Variants in EMCN observed in about 807,000 individuals in gnomAD.
The protein encoded by EMCN is MUC-14.
EMCN carries 37 observed loss-of-function variants against 38.4 expected under a neutral mutation model. That is an observed-to-expected ratio of 0.96 (90% CI 0.74 to 1.27). The LOEUF (loss-of-function observed/expected upper bound fraction) is 1.27, where lower values mean the gene tolerates loss of function less well. Ranked by LOEUF, EMCN falls within the 50% of genes most tolerant of loss-of-function variation. The pLI, the probability that EMCN is intolerant of heterozygous loss-of-function variation, is 0.00. For synonymous variants in EMCN, 95 were observed against 100.8 expected (o/e 0.94, Z 0.35); for missense variants, 318 against 302.8 (o/e 1.05, Z -0.37).
At chr4:100,447,767 C>T (rs913663665) in intron 4 of EMCN, among the ~76,000 whole-genome samples, 196 bp from the exon 5 acceptor site, 1 of 151,924 alleles carries the variant, frequency 6.6e-6, no homozygotes, top group South Asian at 2.1e-4. Context: ...GTGGTTCAAC[C>T]GATTTTTCCC....
chr4:100,446,523 T>C (rs1484324343), intron 5 of EMCN, among the ~76,000 whole-genome samples: 1 of 152,136 alleles, frequency 6.6e-6, no homozygotes, highest in Admixed American at 6.5e-5. Flanking sequence ...TTTTTATTTT[T>C]CTAATTTTTA....
chr4:100,511,836 T>A (rs1209422665), intron 1 of EMCN, among the ~76,000 whole-genome samples: 2 of 146,932 alleles, frequency 1.4e-5, no homozygotes, highest in African/African-American at 2.5e-5. Context: ...AGACAGTTTA[T>A]AAAAAAAAAA....
intron 1 of EMCN, among the ~76,000 whole-genome samples, chr4:100,492,672 A>C (rs1560639158): frequency 6.6e-6 from 1 of 152,220 alleles, no homozygotes; most frequent in East Asian, 1.9e-4. Context: ...GATAAAAAAC[A>C]CATCATATAT....
chr4:100,503,778 G>A (rs1729409083), intron 1 of EMCN, among the ~76,000 whole-genome samples: 1 of 151,968 alleles, frequency 6.6e-6, no homozygotes, highest in Non-Finnish European at 1.5e-5. Context: ...ATATTATCCA[G>A]GCTGGGAAAG....
At chr4:100,477,627 A>G (rs781497999) in intron 2 of EMCN, among the ~76,000 whole-genome samples, 1 of 152,216 alleles carries the variant, frequency 6.6e-6, no homozygotes, top group Non-Finnish European at 1.5e-5. Flanking sequence ...TACTAGACCA[A>G]TGATCTTTTG....
intron 11 of EMCN, among the ~76,000 whole-genome samples, chr4:100,408,957 C>G (rs1322134098): frequency 6.6e-6 from 1 of 152,164 alleles, no homozygotes; most frequent in East Asian, 1.9e-4. Flanking sequence ...CTAATCCATC[C>G]CTAATTACTG....
rs869169290 is a variant in EMCN, at chr4:100,475,659, C to CT, written c.188-551dup. On this transcript the variant is annotated intron_variant, in intron 2 of 11. Transcript: ENST00000296420. ...TTGAGGGCAGTATCCAATTCTAGTC[C>CT]TTTTTTTTTTTTTTTTTTTTTTTTT... Among the ~76,000 whole-genome samples the CT allele has an allele frequency of 5.1e-3, 306 of 60,244 alleles. 15 individuals are homozygous for CT. The highest frequency in any genetic ancestry group is 0.021 in the African/African-American group (248 of 11,830). The allele number at this position is 60,244 out of a possible 152,430, so 39.5% of individuals were successfully genotyped here.
At chr4:100,480,061 C>A in intron 1 of EMCN, 22 bp from the exon 2 acceptor site, 1 of 1,598,572 alleles carries the variant, frequency 6.3e-7, no homozygotes, top group East Asian at 2.3e-5. Flanking sequence ...AAAGTAGTTG[C>A]ATTAACATTT....
intron 9 of EMCN, 111 bp downstream of exon 9, chr4:100,417,006 T>C: frequency 9.3e-7 from 1 of 1,073,732 alleles, no homozygotes; most frequent in South Asian, 1.3e-5. Flanking sequence ...AAAGCCAATA[T>C]GTAGATTTTC....
intron 4 of EMCN, among the ~76,000 whole-genome samples, chr4:100,457,213 TGTGC>T (rs139316984): frequency 0.43 from 62,949 of 146,174 alleles, 13,879 homozygotes; most frequent in East Asian, 0.77. Flanking sequence ...TGTGTGTGTG[TGTGC>T]GATCATTAGT....
At chr4:100,468,582 G>GT (rs974668035) in intron 3 of EMCN, among the ~76,000 whole-genome samples, 15 of 152,046 alleles carry the variant, frequency 9.9e-5, no homozygotes, top group African/African-American at 3.4e-4. Flanking sequence ...TTTTGACAAG[G>GT]TTAGCATTTA....
chr4:100,451,517 G>T (rs1372722322), intron 4 of EMCN, among the ~76,000 whole-genome samples: 2 of 151,914 alleles, frequency 1.3e-5, no homozygotes, highest in African/African-American at 4.8e-5. Context: ...TATTCATTCA[G>T]TCAGTATCTT....
intron 1 of EMCN, chr4:100,486,936 G>A (rs1307100847): frequency 1.3e-5 from 13 of 985,172 alleles, no homozygotes; most frequent in Non-Finnish European, 1.6e-5. Flanking sequence ...CAAAGATCAT[G>A]TTCCATAGTA....
At chr4:100,507,714 A>T (rs1283559302) in intron 1 of EMCN, among the ~76,000 whole-genome samples, 3 of 152,106 alleles carry the variant, frequency 2.0e-5, no homozygotes, top group Non-Finnish European at 4.4e-5. Context: ...AGCATCTGTC[A>T]TTTCCTCAAT....
chr4:100,500,733 T>A (rs1353129142), intron 1 of EMCN, among the ~76,000 whole-genome samples: 1 of 152,136 alleles, frequency 6.6e-6, no homozygotes, highest in Non-Finnish European at 1.5e-5. Context: ...TTGTCACTGG[T>A]ATATACAATA....
chr4:100,439,166 A>G (rs1008736524), intron 5 of EMCN, among the ~76,000 whole-genome samples: 14 of 152,048 alleles, frequency 9.2e-5, no homozygotes, highest in Non-Finnish European at 1.2e-4. Context: ...TATTTTGTTT[A>G]AAAGAGTTTA....
chr4:100,427,938 G>A (rs1404015017), intron 5 of EMCN, among the ~76,000 whole-genome samples: 3 of 151,836 alleles, frequency 2.0e-5, no homozygotes, highest in East Asian at 1.9e-4. Flanking sequence ...TATTCCACAC[G>A]CAATCATCAG....
intron 1 of EMCN, among the ~76,000 whole-genome samples, chr4:100,509,761 A>C (rs926790479): frequency 1.3e-5 from 2 of 152,238 alleles, no homozygotes; most frequent in Non-Finnish European, 2.9e-5. Flanking sequence ...CAGCCATAAA[A>C]ATTATGTAAA....
At chr4:100,514,397 G>T (rs1390737402) in intron 1 of EMCN, among the ~76,000 whole-genome samples, 1 of 151,918 alleles carries the variant, frequency 6.6e-6, no homozygotes, top group Admixed American at 6.6e-5. Flanking sequence ...GCTCTTCCTA[G>T]ACCCTTCTTT....
Sources: gnomAD v4.1 joint callset for allele counts (sites outside exome capture counted in the v4.1 genomes callset) on GRCh38, gnomAD v4.1.1 for gene constraint, MANE v1.5 for transcripts, NCBI Gene and HGNC (gene_info 2026-07-23, HGNC 2026-07-21) for gene names.